Variants in SH3PXD2B observed in about 807,000 individuals in gnomAD.
SH3PXD2B encodes SH3 and PX domain-containing protein 2B.
Under a neutral mutation model 73.1 loss-of-function variants are expected in SH3PXD2B, and 37 were observed. The observed-to-expected ratio is 0.51, with a 90% confidence interval of 0.39 to 0.67. The LOEUF is 0.67. Ranked by LOEUF, SH3PXD2B falls within the 30% of genes least tolerant of loss-of-function variation. SH3PXD2B has a pLI of 0.00. For missense variants in SH3PXD2B, 1,053 were observed against 1,197.8 expected, an observed-to-expected ratio of 0.88 and a Z score of 1.78; for synonymous variants, 457 against 480.5, an observed-to-expected ratio of 0.95 and a Z score of 0.64.
At chr5:172,354,623 G>T (rs567116698) in intron 8 of SH3PXD2B, among the ~76,000 whole-genome samples, 2 of 152,332 alleles carry the variant, frequency 1.3e-5, no homozygotes, top group East Asian at 3.9e-4. Flanking sequence ...CTTGCAGGTG[G>T]AGAGTTCAGG....
intron 12 of SH3PXD2B, among the ~76,000 whole-genome samples, chr5:172,343,909 C>T (rs904953796): frequency 6.6e-6 from 1 of 151,546 alleles, no homozygotes; most frequent in African/African-American, 2.4e-5. Context: ...AGCTGTGTTA[C>T]TAGAGGCAAA....
intron 1 of SH3PXD2B, among the ~76,000 whole-genome samples, chr5:172,437,422 AG>A (rs1472864826): frequency 6.6e-6 from 1 of 152,174 alleles, no homozygotes; most frequent in Non-Finnish European, 1.5e-5. Context: ...GAAGTGCTGA[AG>A]GGGGAGAGGA....
At chr5:172,344,837 C>T (rs536614197) in intron 12 of SH3PXD2B, among the ~76,000 whole-genome samples, 105 of 152,164 alleles carry the variant, frequency 6.9e-4, no homozygotes, top group African/African-American at 2.4e-3. Flanking sequence ...ACTAGCCTCT[C>T]GACTGTAGTA....
chr5:172,439,688 GCGCGCACA>G (rs1423237480), intron 1 of SH3PXD2B, among the ~76,000 whole-genome samples: 111 of 104,230 alleles, frequency 1.1e-3, no homozygotes, highest in African/African-American at 2.8e-3. Context: ...GCGCGCACGC[GCGCGCACA>G]CACACACACA....
At chr5:172,404,860 G>A (rs1187707765) in intron 3 of SH3PXD2B, among the ~76,000 whole-genome samples, 1 of 152,186 alleles carries the variant, frequency 6.6e-6, no homozygotes, top group African/African-American at 2.4e-5. Flanking sequence ...CTGACTCCAG[G>A]CACAAATTTT....
At chr5:172,399,320 G>A (rs1166745959) in intron 3 of SH3PXD2B, among the ~76,000 whole-genome samples, 1 of 152,128 alleles carries the variant, frequency 6.6e-6, no homozygotes, top group Non-Finnish European at 1.5e-5. Flanking sequence ...TGGTTATGTA[G>A]GTCCTACAAA....
intron 1 of SH3PXD2B, among the ~76,000 whole-genome samples, chr5:172,433,515 T>TG (rs1221573667): frequency 6.6e-6 from 1 of 152,182 alleles, no homozygotes; most frequent in Non-Finnish European, 1.5e-5. Flanking sequence ...AACCTGTCTG[T>TG]GGGGCACTTT....
At chr5:172,431,914 C>T (rs917254250) in intron 1 of SH3PXD2B, among the ~76,000 whole-genome samples, 6 of 152,158 alleles carry the variant, frequency 3.9e-5, no homozygotes, top group South Asian at 2.1e-4. Flanking sequence ...TCCTAGATCA[C>T]GCGTGTAGTC....
intron 6 of SH3PXD2B, among the ~76,000 whole-genome samples, chr5:172,370,905 T>G (rs1334268344): frequency 6.6e-6 from 1 of 152,204 alleles, no homozygotes; most frequent in Non-Finnish European, 1.5e-5. Context: ...AATCTCTAAA[T>G]GTTGCGGCAG....
chr5:172,450,583 C>T lies in SH3PXD2B; in HGVS notation c.75+3695G>A, dbSNP rs950549219. 3.3e-5 allele frequency among the ~76,000 whole-genome samples: 5 copies of T among 152,068 alleles called. No individual in the cohort carries two copies. In the East Asian group the frequency reaches 9.6e-4, roughly 29 times the overall value. ...ACTTTGACCACTGTTATTCTTGCTG[C>T]CATAAATATTCCGACCATCCTGCTC... On this transcript the variant is annotated intron_variant, in intron 1 of 12. Coordinates refer to ENST00000311601, the MANE Select transcript of SH3PXD2B (RefSeq NM_001017995.3).
intron 9 of SH3PXD2B, among the ~76,000 whole-genome samples, chr5:172,351,851 A>G (rs765006407): frequency 5.3e-5 from 8 of 152,184 alleles, no homozygotes; most frequent in Non-Finnish European, 8.8e-5. Context: ...GTGTCTATCA[A>G]TCTTAAAATA....
At chr5:172,364,361 TTG>T (rs1230986251) in intron 6 of SH3PXD2B, among the ~76,000 whole-genome samples, 1 of 152,124 alleles carries the variant, frequency 6.6e-6, no homozygotes, top group Non-Finnish European at 1.5e-5. Flanking sequence ...CCCCACATTT[TTG>T]TGTCAAAATA....
chr5:172,343,294 C>T (rs1011057327), intron 12 of SH3PXD2B, among the ~76,000 whole-genome samples: 2 of 152,190 alleles, frequency 1.3e-5, no homozygotes, highest in African/African-American at 4.8e-5. Flanking sequence ...ATCGTCAGCA[C>T]ATCCATGAAT....
rs536931229 is a variant in SH3PXD2B at position 172,421,393 on chromosome 5, G to A, written c.156+1023C>T. Among the ~76,000 whole-genome samples the A allele has an allele frequency of 1.3e-5, 2 of 152,238 alleles. No homozygotes were observed. Among genetic ancestry groups the A allele is most frequent in the South Asian group, 2.1e-4 (1 of 4,818 alleles). ...AAGACTGGTAGTATACATGGTGTTC[G>A]TTCATTCATTCATTCATTCACCAAA... On this transcript the variant is annotated intron_variant, in intron 2 of 12. Coordinates refer to ENST00000311601, the MANE Select transcript of SH3PXD2B (RefSeq NM_001017995.3). The surrounding 1 kb of genome is among the most constrained non-coding windows in gnomAD (Gnocchi z 4.0).
At chr5:172,393,241 T>C (rs933196304) in intron 4 of SH3PXD2B, among the ~76,000 whole-genome samples, 5 of 152,250 alleles carry the variant, frequency 3.3e-5, no homozygotes, top group Admixed American at 6.5e-5. Flanking sequence ...TTAATTTTCA[T>C]TGAAATGTTT....
intron 10 of SH3PXD2B, 30 bp downstream of exon 10, chr5:172,350,333 T>A (rs1205411358): frequency 3.1e-6 from 5 of 1,609,208 alleles, no homozygotes; most frequent in African/African-American, 2.7e-5. Flanking sequence ...GGGGCCCTGA[T>A]TATCAGGAGC....
At chr5:172,371,410 A>C (rs1757700854) in intron 6 of SH3PXD2B, among the ~76,000 whole-genome samples, 1 of 152,212 alleles carries the variant, frequency 6.6e-6, no homozygotes, top group Non-Finnish European at 1.5e-5. Context: ...CATGACTGGG[A>C]AACGCCAGAG....
chr5:172,334,942 G>C lies in SH3PXD2B; in HGVS notation c.*3427C>G. 1.0e-6 allele frequency: 1 copy of C among 985,416 alleles called. No homozygotes were observed. The highest frequency in any genetic ancestry group is 1.2e-6 in the Non-Finnish European group (1 of 829,946). The allele number at this position is 985,416 out of a possible 1,614,324, so 61.0% of individuals were successfully genotyped here. On this transcript the variant is annotated 3_prime_UTR_variant, in exon 13 of 13. Transcript: ENST00000311601. ...TTCTATGGCGTGGCCTTGTGGCAGA[G>C]GTTTAAAATGACTACCGTAACCTGG...
intron 9 of SH3PXD2B, among the ~76,000 whole-genome samples, chr5:172,352,949 C>T (rs760686577): frequency 6.6e-6 from 1 of 152,100 alleles, no homozygotes; most frequent in Non-Finnish European, 1.5e-5. Flanking sequence ...CTCAGGAAGC[C>T]TTCCTGACCC....
Sources: gnomAD v4.1 joint callset for allele counts (sites outside exome capture counted in the v4.1 genomes callset) on GRCh38, gnomAD v4.1.1 for gene constraint, Gnocchi (gnomAD v3.1) non-coding constraint, MANE v1.5 for transcripts, NCBI Gene and HGNC (gene_info 2026-07-23, HGNC 2026-07-21) for gene names.